Variants in COL27A1 observed in about 807,000 individuals in gnomAD.
COL27A1 encodes collagen alpha-1(XXVII) chain.
Under a neutral mutation model 251.3 loss-of-function variants are expected in COL27A1, and 106 were observed. That is an observed-to-expected ratio of 0.42 (90% CI 0.36 to 0.50). The LOEUF is 0.50. COL27A1 is among the 20% of genes least tolerant of loss of function. The pLI, the probability that COL27A1 is intolerant of heterozygous loss-of-function variation, is 0.00. For synonymous variants in COL27A1, 1,000 were observed against 986.3 expected, an observed-to-expected ratio of 1.01 and a Z score of -0.26; for missense variants, 2,325 against 2,522.8, an observed-to-expected ratio of 0.92 and a Z score of 1.68.
chr9:114,231,016 C>G, intron 14 of COL27A1, 63 bp from the exon 15 acceptor site: 5 of 1,461,966 alleles, frequency 3.4e-6, no homozygotes, highest in South Asian at 2.4e-5. Context: ...TTGTCCCCAC[C>G]ACCCAGGCCA....
At chr9:114,265,011 C>G in intron 30 of COL27A1, 43 bp downstream of exon 30, 1 of 1,612,670 alleles carries the variant, frequency 6.2e-7, no homozygotes, top group African/African-American at 1.3e-5. Flanking sequence ...CAGGCCCCCT[C>G]CCTGCTCCGT....
At chr9:114,245,399 C>T (rs1477245268) in intron 23 of COL27A1, among the ~76,000 whole-genome samples, 1 of 152,048 alleles carries the variant, frequency 6.6e-6, no homozygotes, top group Non-Finnish European at 1.5e-5. Flanking sequence ...TCAGGTGATT[C>T]GCCTGCCTCG....
chr9:114,209,445 A>G (rs1222715290), intron 10 of COL27A1: 1 of 769,432 alleles, frequency 1.3e-6, no homozygotes, highest in Non-Finnish European at 2.4e-6. Context: ...CCCTGGCGTG[A>G]GGGTATGTGC....
intron 25 of COL27A1, among the ~76,000 whole-genome samples, chr9:114,250,951 A>T (rs770687725): frequency 5.3e-5 from 8 of 152,168 alleles, no homozygotes; most frequent in Non-Finnish European, 8.8e-5. Flanking sequence ...CTGGCCCTGC[A>T]CAGGGGTCGG....
intron 25 of COL27A1, 139 bp downstream of exon 25, chr9:114,250,807 C>A: frequency 1.4e-6 from 1 of 715,676 alleles, no homozygotes; most frequent in Non-Finnish European, 2.4e-6. Flanking sequence ...CTGAGTCTGC[C>A]AAGAGACATT....
chr9:114,275,767 G>A lies in COL27A1; in HGVS notation c.3716G>A (p.Arg1239Gln), dbSNP rs148109242. Residue 1239 changes from arginine (R) to glutamine (Q), a missense_variant and splice_region_variant, in exon 37 of 61, where the codon CGG becomes CAG. Transcript: ENST00000356083. ...PPGPPGVTGV[R>Q]GPEGKSGKQG... ...GGCCCCCCTGGCGTCACTGGTGTCC[G>A]GGTGAGTGTGCAGGCCCCTTGCAGC... 327 of 1,541,198 alleles carry A rather than the reference G, an allele frequency of 2.1e-4. 3 individuals carry two copies. Among genetic ancestry groups the A allele is most frequent in the Middle Eastern group, 2.0e-3 (12 of 5,972 alleles).
intron 7 of COL27A1, among the ~76,000 whole-genome samples, chr9:114,201,385 T>C (rs1010985327): frequency 2.0e-5 from 3 of 152,220 alleles, no homozygotes; most frequent in African/African-American, 7.2e-5. Context: ...CATTTGAAGC[T>C]ATTTGCTGGC....
chr9:114,201,685 A>G (rs907212811), intron 7 of COL27A1, among the ~76,000 whole-genome samples: 4 of 152,212 alleles, frequency 2.6e-5, no homozygotes, highest in African/African-American at 9.6e-5. Flanking sequence ...CAGTCCGTCC[A>G]GTGAGAAAGG....
chr9:114,219,779 C>T lies in COL27A1; in HGVS notation c.2368-12C>T, dbSNP rs753052426. The T allele has an allele frequency of 4.8e-5, 77 of 1,598,026 alleles. No individual in the cohort carries two copies. The highest frequency in any genetic ancestry group is 6.4e-5 in the Non-Finnish European group (75 of 1,165,604). ...TAACCTACAGATGTTTGTTCTCTCTCATGCCCTCCAGGGGTTTCCTGGAGT... is the reference window on the plus strand; with the variant it reads ...TAACCTACAGATGTTTGTTCTCTCTTATGCCCTCCAGGGGTTTCCTGGAGT... On this transcript the variant is annotated splice_polypyrimidine_tract_variant and intron_variant, in intron 12 of 60. Transcript: ENST00000356083.
At chr9:114,195,402 C>A (rs1829048175) in intron 6 of COL27A1, among the ~76,000 whole-genome samples, 1 of 152,202 alleles carries the variant, frequency 6.6e-6, no homozygotes, top group Non-Finnish European at 1.5e-5. Context: ...CAGACGGGCC[C>A]AGCTTACAAA....
chr9:114,211,068 A>G (rs1232174670), intron 12 of COL27A1, 42 bp downstream of exon 12: 3 of 1,604,906 alleles, frequency 1.9e-6, no homozygotes, highest in Non-Finnish European at 2.6e-6. Flanking sequence ...CTAGCGGGGA[A>G]CCCCACCTCC....
intron 13 of COL27A1, 68 bp from the exon 14 acceptor site, chr9:114,222,155 T>C (rs565183646): frequency 2.1e-6 from 3 of 1,406,034 alleles, no homozygotes; most frequent in South Asian, 2.3e-5. Flanking sequence ...GTGTGGAGGA[T>C]GACATGGAGG....
In COL27A1 at chr9:114,263,086, A is replaced by G. The variant is rs552616657; in HGVS notation, c.3196-1269A>G. Among the ~76,000 whole-genome samples, 7 of 152,014 alleles carry G rather than the reference A, an allele frequency of 4.6e-5. No individual in the cohort carries two copies. In the East Asian group the frequency reaches 1.4e-3, roughly 30 times the overall value. On this transcript the variant is annotated intron_variant, in intron 28 of 60. Transcript: ENST00000356083. Reference sequence around the variant, plus strand: ...CCTGAGTAGCTGGGACTACAGGCACACACCACCATGCCTAGCTAATTTTTG... The same window carrying G: ...CCTGAGTAGCTGGGACTACAGGCACGCACCACCATGCCTAGCTAATTTTTG...
chr9:114,299,324 G>A lies in COL27A1; in HGVS notation c.4585-746G>A, dbSNP rs185650133. Among the ~76,000 whole-genome samples the A allele has an allele frequency of 5.4e-3, 829 of 152,334 alleles. 2 individuals are homozygous for A. The highest frequency in any genetic ancestry group is 6.9e-3 in the Non-Finnish European group (470 of 68,034). ...TTCTAATACATGGCTTTCTGCTTATGAGCTTGAAGGCCAAGCCCCAAGAAT... is the reference window on the plus strand; with the variant it reads ...TTCTAATACATGGCTTTCTGCTTATAAGCTTGAAGGCCAAGCCCCAAGAAT... On this transcript the variant is annotated intron_variant, in intron 49 of 60. Coordinates refer to ENST00000356083, the MANE Select transcript of COL27A1 (RefSeq NM_032888.4).
chr9:114,177,157 A>G (rs1827524875), intron 3 of COL27A1, among the ~76,000 whole-genome samples: 1 of 152,200 alleles, frequency 6.6e-6, no homozygotes, highest in Admixed American at 6.6e-5. Flanking sequence ...AACGGGGAGC[A>G]TCTGAGACTC....
rs138267937 is a variant in COL27A1, at chr9:114,219,840, A to G, written c.2417A>G (p.Asn806Ser). The change falls in exon 13 of 61, where the codon AAT (asparagine) becomes AGT (serine). Residue 806 changes from asparagine to serine, a missense_variant. By Grantham distance (46) the Asn-to-Ser change is conservative. Around this residue, in one of 4 missense-constraint regions of COL27A1, gnomAD observed 1,183 missense variants for 1,144.1 expected, o/e 1.03. Transcript: ENST00000356083. ...GERGPPGLDG[N>S]PGELGLPGPP... ...AGAGGCCCTCCTGGACTGGATGGAA[A>G]TCCTGTGAGTATTTCAAGTCTTTGG... 6.2e-6 allele frequency: 10 copies of G among 1,608,642 alleles called. No individual in the cohort carries two copies. The highest frequency in any genetic ancestry group is 8.5e-6 in the Non-Finnish European group (10 of 1,175,156).
intron 51 of COL27A1, 111 bp from the exon 52 acceptor site, chr9:114,300,961 A>G (rs1828579930): frequency 1.8e-6 from 2 of 1,087,876 alleles, no homozygotes; most frequent in Admixed American, 2.3e-5. Flanking sequence ...CCCGCTTCAG[A>G]TGGTCTCCCT....
intron 7 of COL27A1, among the ~76,000 whole-genome samples, chr9:114,202,879 C>T (rs1829673014): frequency 6.6e-6 from 1 of 152,180 alleles, no homozygotes; most frequent in Non-Finnish European, 1.5e-5. Flanking sequence ...TGTAACTTTA[C>T]TTCCTTTTCT....
chr9:114,289,091 A>G lies in COL27A1; in HGVS notation c.4152+124A>G, dbSNP rs1827721289. On this transcript the variant is annotated intron_variant, in intron 44 of 60. Transcript: ENST00000356083. ...CCCTGCAGGAGGGTCTGGGGCAGCC[A>G]TTTCTGTTTCTCCTGCCCTGACCCT... is the stretch of plus-strand genomic sequence containing the variant. The G allele has an allele frequency of 5.7e-6, 8 of 1,396,906 alleles. No individual in the cohort carries two copies. In the South Asian group the frequency reaches 8.9e-5, roughly 16 times the overall value. 86.5% of individuals were successfully genotyped at this position (1,396,906 alleles called of 1,614,324 possible).
Sources: gnomAD v4.1 joint callset for allele counts (sites outside exome capture counted in the v4.1 genomes callset) on GRCh38, gnomAD v4.1.1 for gene constraint, gnomAD v4.1.1 regional missense constraint, MANE v1.5 for transcripts, NCBI Gene and HGNC (gene_info 2026-07-23, HGNC 2026-07-21) for gene names.